Variants in HAPSTR1 observed in about 807,000 individuals in gnomAD.
HAPSTR1 encodes HUWE1-associated protein modifying stress responses 1.
the HAPSTR1 span, among the ~76,000 whole-genome samples, chr16:9,101,763 A>G: frequency 7.3e-4 from 109 of 149,714 alleles, no homozygotes; most frequent in Non-Finnish European, 6.1e-4. Flanking sequence ...TTTTTTCTGG[A>G]ACATAGCTTT....
At chr16:9,108,345 T>G in the HAPSTR1 span, 4 of 152,136 alleles carry the variant, frequency 2.6e-5, no homozygotes, top group Non-Finnish European at 4.4e-5. Flanking sequence ...TCAATATATT[T>G]ATTTTTGATT....
chr16:9,115,086 G>A, the HAPSTR1 span, among the ~76,000 whole-genome samples: 3 of 152,150 alleles, frequency 2.0e-5, no homozygotes, highest in Non-Finnish European at 4.4e-5. Flanking sequence ...GCGGAGTTGA[G>A]CACCTCAGAA....
chr16:9,091,854 C>T, the HAPSTR1 span: 3 of 418,346 alleles, frequency 7.2e-6, no homozygotes, highest in Non-Finnish European at 1.2e-5. Flanking sequence ...GGGGTCGTCC[C>T]TGGTTGCACG....
chr16:9,094,931 G>A, the HAPSTR1 span, among the ~76,000 whole-genome samples: 1 of 152,142 alleles, frequency 6.6e-6, no homozygotes, highest in Non-Finnish European at 1.5e-5. Context: ...CTAACTTTTC[G>A]TGTAAGAAGA....
At chr16:9,109,126 A>G in the HAPSTR1 span, 1 of 152,308 alleles carries the variant, frequency 6.6e-6, no homozygotes, top group East Asian at 1.9e-4. Context: ...CTGCTTAAAT[A>G]TTACTCTTGC....
chr16:9,100,749 G>A, the HAPSTR1 span, among the ~76,000 whole-genome samples: 2 of 151,976 alleles, frequency 1.3e-5, no homozygotes, highest in Non-Finnish European at 2.9e-5. Context: ...TGGCCAGGCT[G>A]GTCTCGAACT....
At chr16:9,105,002 CAT>C in the HAPSTR1 span, 1 of 152,048 alleles carries the variant, frequency 6.6e-6, no homozygotes, top group South Asian at 2.1e-4. Flanking sequence ...TTTTAAGAAA[CAT>C]AAAAACCATG....
chr16:9,093,364 G>T, the HAPSTR1 span, among the ~76,000 whole-genome samples: 2 of 152,194 alleles, frequency 1.3e-5, no homozygotes, highest in African/African-American at 4.8e-5. Flanking sequence ...TGCTCAGGTT[G>T]AGAAGCGTTG....
At chr16:9,110,004 G>A in the HAPSTR1 span, 1 of 151,990 alleles carries the variant, frequency 6.6e-6, no homozygotes, top group Non-Finnish European at 1.5e-5. Context: ...AGTAGGGGCA[G>A]GTGATTAAAA....
At chr16:9,117,924 T>TA in the HAPSTR1 span, 1 of 152,632 alleles carries the variant, frequency 6.6e-6, no homozygotes, top group Admixed American at 6.5e-5. Flanking sequence ...GATTGCAACT[T>TA]AAAATAGCAA....
At chr16:9,095,490 C>T in the HAPSTR1 span, among the ~76,000 whole-genome samples, 1 of 152,056 alleles carries the variant, frequency 6.6e-6, no homozygotes, top group African/African-American at 2.4e-5. Flanking sequence ...CAGCAGGCAG[C>T]ATTCCTGTAT....
the HAPSTR1 span, chr16:9,117,959 A>G: frequency 6.6e-6 from 1 of 152,636 alleles, no homozygotes. Flanking sequence ...TGTCCCTCCA[A>G]TCCCTCTCCT....
the HAPSTR1 span, chr16:9,092,344 G>A: frequency 8.1e-6 from 10 of 1,228,642 alleles, no homozygotes; most frequent in East Asian, 1.6e-4. Context: ...TATCGGCTCA[G>A]CGGCCGCTTC....
the HAPSTR1 span, among the ~76,000 whole-genome samples, chr16:9,113,487 A>G: frequency 2.0e-5 from 3 of 152,182 alleles, no homozygotes; most frequent in African/African-American, 7.2e-5. Context: ...CTTCTGATAC[A>G]GTGTTTTGAG....
chr16:9,113,209 T>A, the HAPSTR1 span: 2 of 152,144 alleles, frequency 1.3e-5, no homozygotes, highest in Non-Finnish European at 2.9e-5. Flanking sequence ...TCTTAATTAT[T>A]TTTGACCCTT....
At chr16:9,097,054 C>G in the HAPSTR1 span, among the ~76,000 whole-genome samples, 1 of 152,070 alleles carries the variant, frequency 6.6e-6, no homozygotes, top group Admixed American at 6.6e-5. Context: ...ATTCTCCTGC[C>G]TCAGCCTCCC....
the HAPSTR1 span, chr16:9,103,022 A>G: frequency 1.2e-6 from 2 of 1,614,192 alleles, no homozygotes; most frequent in Non-Finnish European, 1.7e-6. Flanking sequence ...TGATATTGGA[A>G]TTCAGATTGG....
chr16:9,116,981 C>T, the HAPSTR1 span: 4 of 1,576,376 alleles, frequency 2.5e-6, no homozygotes, highest in Admixed American at 3.5e-5. Flanking sequence ...ACTATAATTG[C>T]AAAGGAAACA....
At chr16:9,112,387 A>G in the HAPSTR1 span, 1 of 152,202 alleles carries the variant, frequency 6.6e-6, no homozygotes, top group African/African-American at 2.4e-5. Flanking sequence ...TCTATGGGAG[A>G]TACACTGGTG....
Sources: allele counts gnomAD v4.1 joint callset (sites outside exome capture counted in the v4.1 genomes callset), GRCh38; gene constraint gnomAD v4.1.1; transcripts MANE v1.5; gene names NCBI Gene and HGNC (gene_info 2026-07-23, HGNC 2026-07-21).